The following ZNF804B variants were observed in gnomAD, a reference collection of about 807,000 sequenced individuals.
ZNF804B encodes zinc finger 804B.
ZNF804B carries 80 observed loss-of-function variants against 101.4 expected under a neutral mutation model. The observed-to-expected ratio is 0.79, with a 90% CI of 0.66 to 0.95. The LOEUF (loss-of-function observed/expected upper bound fraction) is 0.95. Ranked by LOEUF, ZNF804B falls within the 40% of genes least tolerant of loss-of-function variation. ZNF804B has a pLI of 0.00. For synonymous variants in ZNF804B, 622 were observed against 558.8 expected, an observed-to-expected ratio of 1.11 and a Z score of -1.59; for missense variants, 1,673 against 1,561.9, an observed-to-expected ratio of 1.07 and a Z score of -1.20.
intron 1 of ZNF804B, among the ~76,000 whole-genome samples, chr7:88,968,379 C>T (rs947148582): frequency 2.0e-5 from 3 of 151,634 alleles, no homozygotes; most frequent in East Asian, 2.0e-4. Flanking sequence ...ATCATTTTTG[C>T]TCTTGTCACT....
In ZNF804B at chr7:89,335,845, T is replaced by G. The variant is rs73210814; in HGVS notation, c.2863T>G (p.Leu955Val). Reference sequence around the variant, plus strand: ...CTCTTCAAACAGTTGTAAAAGTGAATTAGAGGCTCCTTCGCAAGTCCCATG... The same window carrying G: ...CTCTTCAAACAGTTGTAAAAGTGAAGTAGAGGCTCCTTCGCAAGTCCCATG... ...EISSNSCKSELEAPSQVPCTI... is the reference protein window; with the variant it reads ...EISSNSCKSEVEAPSQVPCTI... The change falls in exon 4 of 4, where the codon TTA becomes GTA. Residue 955 changes from leucine to valine, a missense_variant. Physicochemically the swap from Leu to Val is conservative, Grantham distance 32 (BLOSUM62 1). Coordinates refer to ENST00000333190, the MANE Select transcript of ZNF804B (RefSeq NM_181646.5). 295 of 1,614,056 alleles carry G rather than the reference T, an allele frequency of 1.8e-4. No individual in the cohort carries two copies. The highest frequency in any genetic ancestry group is 2.3e-4 in the Non-Finnish European group (269 of 1,179,976).
rs115778951 is a variant in ZNF804B, at chr7:88,912,560, C to T, written c.108+152476C>T. ...TTGAATTTCACATTTTGTCTATGTTCGTCTTGGGTAAACTTTTGTGTATAG... is the reference window on the plus strand; with the variant it reads ...TTGAATTTCACATTTTGTCTATGTTTGTCTTGGGTAAACTTTTGTGTATAG... On this transcript the variant is annotated intron_variant, in intron 1 of 3. Transcript: ENST00000333190. 3.7e-3 allele frequency among the ~76,000 whole-genome samples: 566 copies of T among 152,056 alleles called. 3 individuals carry two copies. Among genetic ancestry groups the T allele is most frequent in the African/African-American group, 0.013 (537 of 41,518 alleles).
intron 1 of ZNF804B, among the ~76,000 whole-genome samples, chr7:89,159,128 T>A (rs1220980918): frequency 6.6e-6 from 1 of 152,124 alleles, no homozygotes; most frequent in Non-Finnish European, 1.5e-5. Context: ...CTATTCTCAA[T>A]CTCCTGGATG....
chr7:88,901,626 TAGAGAGAGAA>T, intron 1 of ZNF804B, among the ~76,000 whole-genome samples: 2 of 151,360 alleles, frequency 1.3e-5, no homozygotes, highest in Middle Eastern at 3.4e-3. Context: ...GTGGTTATAT[TAGAGAGAGAA>T]AGAGAGAGAG....
At chr7:89,200,753 T>A (rs1788620444) in intron 1 of ZNF804B, among the ~76,000 whole-genome samples, 1 of 152,040 alleles carries the variant, frequency 6.6e-6, no homozygotes, top group Admixed American at 6.6e-5. Context: ...AACATATGAT[T>A]TTTAAATTGT....
chr7:89,180,551 C>T (rs1401446728), intron 1 of ZNF804B, among the ~76,000 whole-genome samples: 1 of 151,944 alleles, frequency 6.6e-6, no homozygotes, highest in African/African-American at 2.4e-5. Flanking sequence ...CAAGGTGTGT[C>T]TAGAAATGTT....
At chr7:89,031,012 G>A (rs1788823375) in intron 1 of ZNF804B, among the ~76,000 whole-genome samples, 1 of 151,138 alleles carries the variant, frequency 6.6e-6, no homozygotes, top group African/African-American at 2.4e-5. Context: ...ACACACTGGG[G>A]CCTTTTGGGG....
At chr7:88,800,733 T>C (rs1018010787) in intron 1 of ZNF804B, among the ~76,000 whole-genome samples, 3 of 140,750 alleles carry the variant, frequency 2.1e-5, no homozygotes, top group Non-Finnish European at 3.0e-5. Context: ...TGTGTGTGTG[T>C]GCTTAAAGCA....
intron 2 of ZNF804B, among the ~76,000 whole-genome samples, chr7:89,286,487 A>T (rs1172250784): frequency 1.3e-5 from 2 of 152,200 alleles, no homozygotes; most frequent in Non-Finnish European, 2.9e-5. Flanking sequence ...ACTTCATAGG[A>T]TTTACAACAG....
chr7:88,941,022 G>T (rs986048434), intron 1 of ZNF804B, among the ~76,000 whole-genome samples: 1 of 151,776 alleles, frequency 6.6e-6, no homozygotes, highest in Non-Finnish European at 1.5e-5. Context: ...ATGAAAAGAT[G>T]CTTAACATCA....
At chr7:89,025,642 A>T (rs529119926) in intron 1 of ZNF804B, among the ~76,000 whole-genome samples, 1 of 152,168 alleles carries the variant, frequency 6.6e-6, no homozygotes, top group Non-Finnish European at 1.5e-5. Flanking sequence ...GTCAATACAA[A>T]GTGCTAACAG....
chr7:89,301,297 T>A (rs1423071650), intron 2 of ZNF804B, among the ~76,000 whole-genome samples: 2 of 151,452 alleles, frequency 1.3e-5, no homozygotes, highest in African/African-American at 4.9e-5. Flanking sequence ...TGCTTATTAT[T>A]TATATCAACT....
chr7:89,100,032 C>G (rs1790030536), intron 1 of ZNF804B, among the ~76,000 whole-genome samples: 1 of 152,088 alleles, frequency 6.6e-6, no homozygotes, highest in African/African-American at 2.4e-5. Context: ...TTTCAGAAAC[C>G]TCAGATTAAT....
intron 1 of ZNF804B, among the ~76,000 whole-genome samples, chr7:88,866,002 A>T (rs1288359248): frequency 6.6e-6 from 1 of 152,182 alleles, no homozygotes; most frequent in Non-Finnish European, 1.5e-5. Context: ...TCACTTTTAG[A>T]TTCATCTTTG....
At chr7:89,148,128 A>AT (rs997231227) in intron 1 of ZNF804B, among the ~76,000 whole-genome samples, 1 of 151,978 alleles carries the variant, frequency 6.6e-6, no homozygotes, top group Non-Finnish European at 1.5e-5. Flanking sequence ...CAGCTCTGCT[A>AT]TTTTTTATAC....
At chr7:89,052,342 C>T (rs1434746160) in intron 1 of ZNF804B, among the ~76,000 whole-genome samples, 2 of 151,936 alleles carry the variant, frequency 1.3e-5, no homozygotes, top group East Asian at 3.9e-4. Flanking sequence ...TATAATTTTT[C>T]TGTGTATTTC....
intron 1 of ZNF804B, among the ~76,000 whole-genome samples, chr7:89,062,137 C>A (rs2116283349): frequency 6.6e-6 from 1 of 152,258 alleles, no homozygotes; most frequent in East Asian, 1.9e-4. Context: ...CTACCCTTTA[C>A]TCTGTCAATA....
intron 1 of ZNF804B, among the ~76,000 whole-genome samples, chr7:89,026,309 A>G (rs62462922): frequency 0.013 from 1,960 of 152,314 alleles, 28 homozygotes; most frequent in Middle Eastern, 0.031. Flanking sequence ...GTAGGGGACA[A>G]TAGCTTACAC....
At chr7:89,216,071 C>T (rs59028671) in intron 1 of ZNF804B, among the ~76,000 whole-genome samples, 18,559 of 151,998 alleles carry the variant, frequency 0.12, 1,205 homozygotes, top group Middle Eastern at 0.25. Context: ...TGGGAGGCCG[C>T]GGCAGGTGGA....
Sources: allele counts gnomAD v4.1 joint callset (sites outside exome capture counted in the v4.1 genomes callset), GRCh38; gene constraint gnomAD v4.1.1; transcripts MANE v1.5; gene names NCBI Gene and HGNC (gene_info 2026-07-23, HGNC 2026-07-21).